Variants in NCAM1 observed in about 807,000 individuals in gnomAD.
The protein encoded by NCAM1 is antigen recognized by monoclonal antibody 5.1H11.
In NCAM1, 14 loss-of-function variants were observed where a neutral mutation model predicts 109.8. That is an observed-to-expected ratio of 0.13 (90% CI 0.08 to 0.20). The LOEUF is 0.20. NCAM1 is among the 10% of genes least tolerant of loss of function. The pLI, the probability that NCAM1 is intolerant of heterozygous loss-of-function variation, is 1.00. For synonymous variants in NCAM1, 418 were observed against 442.9 expected (o/e 0.94, Z 0.70); for missense variants, 774 against 1,109.9 (o/e 0.70, Z 4.30).
intron 1 of NCAM1, among the ~76,000 whole-genome samples, chr11:113,124,573 T>C (rs1453008785): frequency 6.6e-6 from 1 of 152,228 alleles, no homozygotes; most frequent in African/African-American, 2.4e-5. Flanking sequence ...TTGCTTTTAG[T>C]CTTGCGGTTC....
At position 113,273,944 on chromosome 11, in the gene NCAM1, C is replaced by G. The variant is rs202084711; in HGVS notation, c.2457-1323C>G. On this transcript the variant is annotated intron_variant, in intron 19 of 19. Coordinates refer to ENST00000316851, the MANE Select transcript of NCAM1 (RefSeq NM_181351.5). The surrounding 1 kb of genome is among the most constrained non-coding windows in gnomAD (Gnocchi z 6.0). ...GGCCCCAGGAGCAGCCGCCTGCTGG[C>G]TAATTAGGCCATGTTAATTATGTTT... The G allele has an allele frequency of 1.8e-5, 3 of 167,892 alleles. No homozygotes were observed. The South Asian group carries it at 3.9e-4, about 22-fold the overall frequency. 10.4% of individuals were successfully genotyped at this position (167,892 alleles called of 1,614,324 possible).
chr11:113,074,951 T>C (rs1938462644), intron 1 of NCAM1, among the ~76,000 whole-genome samples: 1 of 152,124 alleles, frequency 6.6e-6, no homozygotes, highest in South Asian at 2.1e-4. Context: ...CAATTTTAAT[T>C]AGTTCAAATT....
At chr11:113,168,133 G>A (rs1038748429) in intron 1 of NCAM1, among the ~76,000 whole-genome samples, 2 of 152,124 alleles carry the variant, frequency 1.3e-5, no homozygotes, top group African/African-American at 4.8e-5. Context: ...CTGGATAATC[G>A]AGTTAATTCA....
In NCAM1 at chr11:113,126,018, G is replaced by A. The variant is rs142644912; in HGVS notation, c.53-76361G>A. 6.0e-3 allele frequency among the ~76,000 whole-genome samples: 903 copies of A among 151,702 alleles called. 9 individuals carry two copies. Among genetic ancestry groups the A allele is most frequent in the African/African-American group, 0.021 (853 of 41,288 alleles). Reference sequence around the variant, plus strand: ...CAAAAAATACAAAAATTAGCCAGGTGTGGTGGTGCATGCCTGTAGTCCCAG... The same window carrying A: ...CAAAAAATACAAAAATTAGCCAGGTATGGTGGTGCATGCCTGTAGTCCCAG... On this transcript the variant is annotated intron_variant, in intron 1 of 19. Coordinates refer to ENST00000316851, the MANE Select transcript of NCAM1 (RefSeq NM_181351.5).
intron 7 of NCAM1, among the ~76,000 whole-genome samples, chr11:113,213,349 T>C (rs1211900847): frequency 6.6e-6 from 1 of 152,250 alleles, no homozygotes; most frequent in East Asian, 1.9e-4. Flanking sequence ...CAGAGCATAA[T>C]TGTTTTAAAT....
intron 5 of NCAM1, among the ~76,000 whole-genome samples, chr11:113,206,452 CT>C (rs1555112893): frequency 2.0e-5 from 3 of 150,328 alleles, no homozygotes; most frequent in Admixed American, 6.6e-5. Context: ...AACTTTCCCC[CT>C]GCTTACCTAT....
intron 1 of NCAM1, among the ~76,000 whole-genome samples, chr11:113,119,871 C>A (rs1940882692): frequency 6.6e-6 from 1 of 152,162 alleles, no homozygotes; most frequent in Non-Finnish European, 1.5e-5. Context: ...CAACCCAGCA[C>A]CCTGTCTGGG....
intron 1 of NCAM1, among the ~76,000 whole-genome samples, chr11:113,049,983 G>T (rs1555081522): frequency 1.3e-5 from 2 of 152,154 alleles, no homozygotes; most frequent in Admixed American, 1.3e-4. Flanking sequence ...CTGAATGCCT[G>T]AAAAAGAATG....
intron 1 of NCAM1, among the ~76,000 whole-genome samples, chr11:113,056,973 C>T (rs1030863619): frequency 2.0e-5 from 3 of 152,136 alleles, no homozygotes; most frequent in Admixed American, 6.5e-5. Context: ...CTTGAGCATC[C>T]ACTACAATGC....
At chr11:113,117,822 A>G (rs1591340484) in intron 1 of NCAM1, among the ~76,000 whole-genome samples, 1 of 152,146 alleles carries the variant, frequency 6.6e-6, no homozygotes, top group South Asian at 2.1e-4. Flanking sequence ...TCTTTTTATC[A>G]TCACAGCAAA....
At chr11:113,104,029 C>T (rs981168090) in intron 1 of NCAM1, among the ~76,000 whole-genome samples, 54 of 152,064 alleles carry the variant, frequency 3.6e-4, no homozygotes, top group African/African-American at 1.3e-3. Context: ...GGGTTGGATG[C>T]GTCGTTTCTG....
chr11:113,270,897 ACT>A (rs1946254277), intron 18 of NCAM1, among the ~76,000 whole-genome samples: 1 of 152,202 alleles, frequency 6.6e-6, no homozygotes, highest in Non-Finnish European at 1.5e-5. Context: ...TGATCCAGAT[ACT>A]GTCCCTCCAA....
At chr11:113,067,980 G>C (rs1423530221) in intron 1 of NCAM1, among the ~76,000 whole-genome samples, 3 of 144,808 alleles carry the variant, frequency 2.1e-5, no homozygotes, top group African/African-American at 5.1e-5. Context: ...GCGCAATCTC[G>C]GCTCACTGCA....
At chr11:113,272,754 A>C (rs568117768) in intron 19 of NCAM1, among the ~76,000 whole-genome samples, 32 of 151,790 alleles carry the variant, frequency 2.1e-4, no homozygotes, top group African/African-American at 7.7e-4. Flanking sequence ...TCTTCTGCCC[A>C]CCTGGGCGTG....
chr11:113,109,422 C>T lies in NCAM1; in HGVS notation c.53-92957C>T, dbSNP rs1940337434. Among the ~76,000 whole-genome samples the T allele has an allele frequency of 3.3e-5, 5 of 151,322 alleles. No homozygotes were observed. In the South Asian group the frequency reaches 1.0e-3, roughly 32 times the overall value. Reference sequence around the variant, plus strand: ...ATTAGAATATTGCCAAAGACATATTCCTGAGTCATGTATTCTGGCCTGTGC... The same window carrying T: ...ATTAGAATATTGCCAAAGACATATTTCTGAGTCATGTATTCTGGCCTGTGC... On this transcript the variant is annotated intron_variant, in intron 1 of 19. Transcript: ENST00000316851.
chr11:113,094,094 C>T (rs1460702284), intron 1 of NCAM1, among the ~76,000 whole-genome samples: 1 of 152,132 alleles, frequency 6.6e-6, no homozygotes, highest in African/African-American at 2.4e-5. Flanking sequence ...AACATAGGGT[C>T]CCCTTTAGAC....
At chr11:113,179,872 T>G (rs1943279549) in intron 1 of NCAM1, among the ~76,000 whole-genome samples, 1 of 152,202 alleles carries the variant, frequency 6.6e-6, no homozygotes, top group South Asian at 2.1e-4. Flanking sequence ...AAGAGGCATC[T>G]TGGTTAATAA....
intron 1 of NCAM1, among the ~76,000 whole-genome samples, chr11:113,201,208 T>C (rs1944046677): frequency 1.3e-5 from 2 of 152,150 alleles, no homozygotes; most frequent in Non-Finnish European, 2.9e-5. Flanking sequence ...ATCCCTGCAG[T>C]CGGCTGAGGA....
chr11:113,248,228 C>CA (rs34946502), intron 15 of NCAM1, among the ~76,000 whole-genome samples: 75,360 of 129,988 alleles, frequency 0.58, 22,113 homozygotes, highest in Middle Eastern at 0.7. Flanking sequence ...TGGCCGGTAC[C>CA]AAAAAAAAAA....
Sources: allele counts gnomAD v4.1 joint callset (sites outside exome capture counted in the v4.1 genomes callset), GRCh38; gene constraint gnomAD v4.1.1; non-coding constraint Gnocchi (gnomAD v3.1); transcripts MANE v1.5; gene names NCBI Gene and HGNC (gene_info 2026-07-23, HGNC 2026-07-21).